LIPN: variants seen among roughly 807,000 people sequenced by gnomAD.
The protein encoded by LIPN is lipase family member N.
LIPN carries 32 observed loss-of-function variants against 43.7 expected under a neutral mutation model. That is an observed-to-expected ratio of 0.73 (90% CI 0.55 to 0.98). The LOEUF is 0.98. LIPN is among the 50% of genes least tolerant of loss of function. The pLI, the probability that LIPN is intolerant of heterozygous loss-of-function variation, is 0.00. For synonymous variants in LIPN, 156 were observed against 157.6 expected, an observed-to-expected ratio of 0.99 and a Z score of 0.08; for missense variants, 505 against 483.8, an observed-to-expected ratio of 1.04 and a Z score of -0.41.
intron 6 of LIPN, among the ~76,000 whole-genome samples, chr10:88,769,834 T>C (rs1250454574): frequency 6.6e-6 from 1 of 151,960 alleles, no homozygotes; most frequent in Non-Finnish European, 1.5e-5. Context: ...TATTGTTTAC[T>C]GAGAGCACAA....
chr10:88,774,464 C>G lies in LIPN; in HGVS notation c.820-9C>G. On this transcript the variant is annotated splice_polypyrimidine_tract_variant and intron_variant, in intron 7 of 9. Coordinates refer to ENST00000404459, the MANE Select transcript of LIPN (RefSeq NM_001102469.2). ...GCAATTGCTGTAATATGAGTTTTATCTCCTTTAGAGTCGAATGGATGTGTA... is the reference window on the plus strand; with the variant it reads ...GCAATTGCTGTAATATGAGTTTTATGTCCTTTAGAGTCGAATGGATGTGTA... The G allele has an allele frequency of 6.2e-7, 1 of 1,600,044 alleles. No individual in the cohort carries two copies.
intron 7 of LIPN, among the ~76,000 whole-genome samples, chr10:88,771,744 CT>C (rs34229714): frequency 0.19 from 27,693 of 145,126 alleles, 2,529 homozygotes; most frequent in Non-Finnish European, 0.21. Flanking sequence ...GATTGATTTC[CT>C]TTTTTTTTTT....
chr10:88,768,015 TACACACACACACACAC>T lies in LIPN; in HGVS notation c.536-745_536-730del, dbSNP rs60861050. ...TTTAATGTTCCAACAAGTGTTTCAG[TACACACACACACACAC>T]ACACACACACACACACACACACACA... On this transcript the variant is annotated intron_variant, in intron 5 of 9. Transcript: ENST00000404459. Among the ~76,000 whole-genome samples, 155 of 141,052 alleles carry T rather than the reference TACACACACACACACAC, an allele frequency of 1.1e-3. No individual in the cohort carries two copies. The East Asian group carries it at 0.024, about 22-fold the overall frequency. The allele number at this position is 141,052 out of a possible 152,430, so 92.5% of individuals were successfully genotyped here. A position where few individuals can be genotyped will look rare whatever the true frequency, so the allele number is the denominator to read the frequency against.
chr10:88,771,098 A>C, intron 7 of LIPN, 107 bp downstream of exon 7: 1 of 943,242 alleles, frequency 1.1e-6, no homozygotes, highest in Admixed American at 3.1e-5. Context: ...GGTATTCCAA[A>C]CCCTTAAAGA....
intron 9 of LIPN, 107 bp downstream of exon 9, chr10:88,775,270 A>G (rs1843278329): frequency 1.7e-6 from 1 of 580,954 alleles, no homozygotes; most frequent in African/African-American, 2.0e-5. Context: ...ATTTATACTG[A>G]TAGAACTTTT....
At chr10:88,762,039 A>G (rs1041102718) in intron 2 of LIPN, 149 bp from the exon 3 acceptor site, 3 of 497,490 alleles carry the variant, frequency 6.0e-6, no homozygotes, top group African/African-American at 3.9e-5. Flanking sequence ...CTTATTTTGT[A>G]TTAAGACTTT....
chr10:88,760,121 T>C lies in LIPN; in HGVS notation c.-9+15T>C, dbSNP rs1233330539. 2.0e-5 allele frequency among the ~76,000 whole-genome samples: 3 copies of C among 152,078 alleles called. No homozygotes were observed. The highest frequency in any genetic ancestry group is 7.2e-5 in the African/African-American group (3 of 41,422). On this transcript the variant is annotated intron_variant, in intron 1 of 9. Transcript: ENST00000404459. Reference sequence around the variant, plus strand: ...CATCTAACTAGGTAAGATGAAGATCTATCATAACCAGGAGGCAGGTTGGAA... The same window carrying C: ...CATCTAACTAGGTAAGATGAAGATCCATCATAACCAGGAGGCAGGTTGGAA...
chr10:88,770,079 C>T (rs994162044), intron 6 of LIPN, among the ~76,000 whole-genome samples: 3 of 151,772 alleles, frequency 2.0e-5, no homozygotes, highest in Non-Finnish European at 2.9e-5. Flanking sequence ...TTTCACATTT[C>T]CCACTGTCAA....
chr10:88,770,931 G>T lies in LIPN; in HGVS notation c.759G>T (p.Trp253Cys). 2 of 1,560,554 alleles carry T rather than the reference G, an allele frequency of 1.3e-6. No individual in the cohort carries two copies. Among genetic ancestry groups the T allele is most frequent in the Non-Finnish European group, 1.7e-6 (2 of 1,150,136 alleles). Residue 253 changes from tryptophan (W) to cysteine (C), a missense_variant, in exon 7 of 10, where the codon TGG (tryptophan) becomes TGT (cysteine). Trp to Cys is a radical substitution (Grantham distance 215). Transcript: ENST00000404459. ...AAATCTGCAACAATAAGATACTCTGGTTGATATGTAGCGAATTTATGTCCT... is the reference window on the plus strand; with the variant it reads ...AAATCTGCAACAATAAGATACTCTGTTTGATATGTAGCGAATTTATGTCCT... Reference protein sequence around the residue: ...STKICNNKILWLICSEFMSLW... With the variant: ...STKICNNKILCLICSEFMSLW...
chr10:88,761,779 TTATCTATC>T lies in LIPN; in HGVS notation c.108+282_108+289del, dbSNP rs10580567. Among the ~76,000 whole-genome samples, 28,691 of 145,248 alleles carry T rather than the reference TTATCTATC, an allele frequency of 0.2. 2,880 individuals are homozygous for T. Among genetic ancestry groups the T allele is most frequent in the East Asian group, 0.28 (1,388 of 5,036 alleles). ...TCTATCTATGTATCTATCTATCTAT[TTATCTATC>T]TATCTATCTATCTATAGATAGAACC... On this transcript the variant is annotated intron_variant, in intron 2 of 9. Coordinates refer to ENST00000404459, the MANE Select transcript of LIPN (RefSeq NM_001102469.2).
chr10:88,776,907 C>T (rs916649425), intron 9 of LIPN, among the ~76,000 whole-genome samples: 13 of 152,014 alleles, frequency 8.6e-5, no homozygotes, highest in African/African-American at 2.9e-4. Context: ...TCTCTTCTCA[C>T]TTCCCCTTCC....
In LIPN at chr10:88,779,091, C is replaced by G. The variant is rs930755058; in HGVS notation, c.*849C>G. On this transcript the variant is annotated 3_prime_UTR_variant, in exon 10 of 10. Transcript: ENST00000404459. Reference sequence around the variant, plus strand: ...TCTCTAAACATTAAGTATTTTCTTCCTCCATCTTAAAAGCAATGAGAAGCC... The same window carrying G: ...TCTCTAAACATTAAGTATTTTCTTCGTCCATCTTAAAAGCAATGAGAAGCC... Among the ~76,000 whole-genome samples the G allele has an allele frequency of 6.6e-6, 1 of 152,120 alleles. No homozygotes were observed. Among genetic ancestry groups the G allele is most frequent in the African/African-American group, 2.4e-5 (1 of 41,442 alleles).
intron 3 of LIPN, among the ~76,000 whole-genome samples, chr10:88,762,938 A>G (rs1209646835): frequency 6.6e-6 from 1 of 152,036 alleles, no homozygotes; most frequent in African/African-American, 2.4e-5. Flanking sequence ...AAAAGGGAAA[A>G]TTTAACTACA....
At position 88,774,946 on chromosome 10, in the gene LIPN, T is replaced by G. The variant is rs1843271985; in HGVS notation, c.892-146T>G. 5.0e-6 allele frequency: 3 copies of G among 598,522 alleles called. No homozygotes were observed. The East Asian group carries it at 9.4e-5, about 19-fold the overall frequency. 37.1% of individuals were successfully genotyped at this position (598,522 alleles called of 1,614,324 possible). Reference sequence around the variant, plus strand: ...TCATCTTTCTGTTGAGCCCCGTTTGTCATAATTGTAAAATGGGTGGTTACA... The same window carrying G: ...TCATCTTTCTGTTGAGCCCCGTTTGGCATAATTGTAAAATGGGTGGTTACA... On this transcript the variant is annotated intron_variant, in intron 8 of 9. Transcript: ENST00000404459.
At position 88,768,903 on chromosome 10, in the gene LIPN, T is replaced by C. The variant is rs368778014; in HGVS notation, c.647T>C (p.Phe216Ser). The C allele has an allele frequency of 2.5e-5, 41 of 1,611,370 alleles. No individual in the cohort carries two copies. The highest frequency in any genetic ancestry group is 3.4e-5 in the Non-Finnish European group (40 of 1,178,346). Residue 216 changes from phenylalanine (F) to serine (S), a missense_variant, in exon 6 of 10, where the codon TTT becomes TCT. Physicochemically the swap from Phe to Ser is radical, Grantham distance 155. Coordinates refer to ENST00000404459, the MANE Select transcript of LIPN (RefSeq NM_001102469.2). ...KYPTGIFTRF[F>S]LLPNSIIKAV... ...CCCACGGGCATTTTTACCAGGTTTT[T>C]TCTACTTCCAAATTCCATAATCAAG... is the stretch of plus-strand genomic sequence containing the variant.
intron 6 of LIPN, among the ~76,000 whole-genome samples, chr10:88,770,534 ATAT>A (rs1843186819): frequency 6.6e-6 from 1 of 151,870 alleles, no homozygotes; most frequent in Non-Finnish European, 1.5e-5. Context: ...CTTGTAAATA[ATAT>A]TTGATACTCT....
chr10:88,776,841 G>A (rs1375585193), intron 9 of LIPN, among the ~76,000 whole-genome samples: 1 of 151,748 alleles, frequency 6.6e-6, no homozygotes, highest in Admixed American at 6.6e-5. Context: ...TTCTCTATCA[G>A]AAAATGATGG....
Position 88,761,516 on chromosome 10 carries a change from A to G in LIPN, c.108+3A>G, listed in dbSNP as rs928642743. 12 of 1,586,926 alleles carry G rather than the reference A, an allele frequency of 7.6e-6. No individual in the cohort carries two copies. The African/African-American group carries it at 1.3e-4, about 18-fold the overall frequency. On this transcript the variant is annotated splice_donor_region_variant and intron_variant, in intron 2 of 9. Transcript: ENST00000404459. The stretch of plus-strand genomic sequence containing the variant: ...ATCCTGAGGTGTGGATGAATACTGT[A>G]AGTCATGGAAAACTGTGAAGAACAT...
At chr10:88,773,781 G>A (rs1843249484) in intron 7 of LIPN, among the ~76,000 whole-genome samples, 1 of 151,852 alleles carries the variant, frequency 6.6e-6, no homozygotes, top group African/African-American at 2.4e-5. Flanking sequence ...TTCAAAGTTG[G>A]CTTGCTCAAA....
Sources: gnomAD v4.1 joint callset for allele counts (sites outside exome capture counted in the v4.1 genomes callset) on GRCh38, gnomAD v4.1.1 for gene constraint, MANE v1.5 for transcripts, NCBI Gene and HGNC (gene_info 2026-07-23, HGNC 2026-07-21) for gene names.